Variants in RBFOX1 observed in about 807,000 individuals in gnomAD.
RBFOX1 encodes the protein RNA binding fox-1 homolog 1.
A neutral mutation model predicts 57.7 loss-of-function variants in RBFOX1; 8 were observed. That is an observed-to-expected ratio of 0.14 (90% confidence interval 0.08 to 0.25). RBFOX1 has a LOEUF of 0.25. Among genes scored for constraint, RBFOX1 ranks in the 10% least tolerant of loss-of-function variants. RBFOX1 has a pLI of 1.00. For synonymous variants in RBFOX1, 326 were observed against 222.4 expected, an observed-to-expected ratio of 1.47 and a Z score of -4.15; for missense variants, 611 against 548.5, an observed-to-expected ratio of 1.11 and a Z score of -1.14.
At chr16:7,210,364 A>G (rs1001686104) in intron 4 of RBFOX1, among the ~76,000 whole-genome samples, 3 of 152,168 alleles carry the variant, frequency 2.0e-5, no homozygotes, top group Admixed American at 6.5e-5. Flanking sequence ...GTGGTCCTCA[A>G]GGATCACATG....
rs1009377363 is a variant in RBFOX1 at position 5,729,386 on chromosome 16, T to C, written c.318+130425T>C. Among the ~76,000 whole-genome samples the C allele has an allele frequency of 1.1e-4, 15 of 140,962 alleles. 1 individual carries two copies. Among genetic ancestry groups the C allele is most frequent in the South Asian group, 7.3e-4 (3 of 4,100 alleles). 92.5% of individuals were successfully genotyped at this position (140,962 alleles called of 152,430 possible). A position where few individuals can be genotyped will look rare whatever the true frequency, so the allele number is the denominator to read the frequency against. ...AGCTCAGCACACAGCTAGCTTTTTT[T>C]TTTTCTTTTCTTTTTTTTTTTTTTT... On this transcript the variant is annotated intron_variant, in intron 3 of 19. Transcript: ENST00000641259.
At chr16:6,948,456 C>G (rs780117018) in intron 3 of RBFOX1, among the ~76,000 whole-genome samples, 1 of 128,296 alleles carries the variant, frequency 7.8e-6, no homozygotes, top group African/African-American at 3.0e-5. Context: ...TATCTCGGCT[C>G]ACTACAACCT....
chr16:5,498,376 T>A (rs1308312316), intron 2 of RBFOX1, among the ~76,000 whole-genome samples: 1 of 152,184 alleles, frequency 6.6e-6, no homozygotes, highest in East Asian at 1.9e-4. Flanking sequence ...CCTCCTGAAC[T>A]CAAGTTATCT....
intron 4 of RBFOX1, among the ~76,000 whole-genome samples, chr16:7,512,944 G>A (rs2075493151): frequency 6.6e-6 from 1 of 152,196 alleles, no homozygotes. Flanking sequence ...CATGGTGTGT[G>A]TGATAGAGAG....
At chr16:5,779,630 A>C (rs756546340) in intron 3 of RBFOX1, among the ~76,000 whole-genome samples, 16 of 152,114 alleles carry the variant, frequency 1.1e-4, no homozygotes, top group Non-Finnish European at 2.4e-4. Flanking sequence ...TTCCCTCTTC[A>C]TTCTCCTGGG....
intron 1 of RBFOX1, among the ~76,000 whole-genome samples, chr16:5,459,643 G>A (rs898325715): frequency 2.6e-5 from 4 of 151,514 alleles, no homozygotes; most frequent in African/African-American, 4.9e-5. Flanking sequence ...AATAAGAATC[G>A]TCCTTCACCA....
intron 4 of RBFOX1, among the ~76,000 whole-genome samples, chr16:7,079,222 T>C (rs537598588): frequency 1.3e-5 from 2 of 152,292 alleles, no homozygotes; most frequent in East Asian, 1.9e-4. Flanking sequence ...CATATGTTTA[T>C]TGGCCAAACC....
chr16:6,518,705 C>A (rs1260775099), intron 2 of RBFOX1, among the ~76,000 whole-genome samples: 1 of 152,024 alleles, frequency 6.6e-6, no homozygotes, highest in Non-Finnish European at 1.5e-5. Flanking sequence ...ATGTATCTGT[C>A]CATCCGTCCG....
intron 1 of RBFOX1, among the ~76,000 whole-genome samples, chr16:6,253,918 A>G (rs1210571846): frequency 1.3e-5 from 2 of 152,118 alleles, no homozygotes; most frequent in Admixed American, 1.3e-4. Context: ...CCCAAAGAGT[A>G]GTGCAGAGAA....
At chr16:6,100,962 C>G (rs983988490) in intron 1 of RBFOX1, among the ~76,000 whole-genome samples, 1 of 152,008 alleles carries the variant, frequency 6.6e-6, no homozygotes, top group Non-Finnish European at 1.5e-5. Context: ...GATTTTTTTC[C>G]GTCTCGAAAT....
chr16:7,417,025 AT>A (rs531791754), intron 4 of RBFOX1, among the ~76,000 whole-genome samples: 5 of 151,904 alleles, frequency 3.3e-5, no homozygotes, highest in Admixed American at 6.6e-5. Context: ...CTTTGCCTAA[AT>A]TTTTTTTAAA....
At chr16:5,682,921 C>T (rs978853368) in intron 3 of RBFOX1, among the ~76,000 whole-genome samples, 5 of 152,142 alleles carry the variant, frequency 3.3e-5, no homozygotes, top group Non-Finnish European at 5.9e-5. Context: ...CCCAAAGCTC[C>T]CAGGGTCTAG....
At chr16:6,961,553 GA>G (rs2083019176) in intron 3 of RBFOX1, among the ~76,000 whole-genome samples, 1 of 152,218 alleles carries the variant, frequency 6.6e-6, no homozygotes, top group Admixed American at 6.5e-5. Context: ...GACGAGCGAA[GA>G]AACAAACGAA....
intron 3 of RBFOX1, among the ~76,000 whole-genome samples, chr16:5,749,482 C>A (rs2053112753): frequency 6.6e-6 from 1 of 152,184 alleles, no homozygotes; most frequent in African/African-American, 2.4e-5. Context: ...GTGCCATTCT[C>A]CCTGTCACTT....
intron 2 of RBFOX1, among the ~76,000 whole-genome samples, chr16:5,532,389 G>A (rs1011938082): frequency 6.6e-6 from 1 of 152,192 alleles, no homozygotes. Flanking sequence ...TACGGCATCA[G>A]TACCACGTGA....
At chr16:7,437,227 T>C (rs972084591) in intron 4 of RBFOX1, among the ~76,000 whole-genome samples, 2 of 148,992 alleles carry the variant, frequency 1.3e-5, no homozygotes, top group Non-Finnish European at 3.0e-5. Flanking sequence ...TATCCTCAAC[T>C]GTGCTAGAAT....
chr16:7,034,720 G>A (rs1009980384), intron 3 of RBFOX1, among the ~76,000 whole-genome samples: 1 of 151,650 alleles, frequency 6.6e-6, no homozygotes, highest in Non-Finnish European at 1.5e-5. Context: ...CCTCACATCA[G>A]TGCCCCTGTA....
chr16:7,337,029 C>T (rs992800803), intron 4 of RBFOX1, among the ~76,000 whole-genome samples: 7 of 152,126 alleles, frequency 4.6e-5, no homozygotes, highest in Admixed American at 3.9e-4. Flanking sequence ...CTGAAAAAGC[C>T]CCCAAAATCT....
intron 4 of RBFOX1, among the ~76,000 whole-genome samples, chr16:7,434,480 AAAT>A (rs1323859473): frequency 2.8e-5 from 4 of 145,140 alleles, no homozygotes; most frequent in South Asian, 4.5e-4. Flanking sequence ...TCGTTAAAAT[AAAT>A]AAATAAATAA....
Sources: allele counts gnomAD v4.1 joint callset (sites outside exome capture counted in the v4.1 genomes callset), GRCh38; gene constraint gnomAD v4.1.1; transcripts MANE v1.5; gene names NCBI Gene and HGNC (gene_info 2026-07-23, HGNC 2026-07-21).